COPZ1: variants seen among roughly 807,000 people sequenced by gnomAD.
COPZ1 encodes the protein coatomer subunit zeta-1.
COPZ1 carries 4 observed loss-of-function variants against 31.7 expected under a neutral mutation model. That is an observed-to-expected ratio of 0.13 (90% CI 0.06 to 0.29). The LOEUF is 0.29. COPZ1 is among the 10% of genes least tolerant of loss of function. The pLI is 1.00. For missense variants in COPZ1, 156 were observed against 211.5 expected (o/e 0.74, Z 1.63); for synonymous variants, 74 against 79.0 (o/e 0.94, Z 0.33).
chr12:54,345,145 G>T, intron 4 of COPZ1: 2 of 243,692 alleles, frequency 8.2e-6, no homozygotes, highest in East Asian at 9.1e-5. Context: ...GCTATTGCTT[G>T]GTTAGTAATT....
intron 2 of COPZ1, among the ~76,000 whole-genome samples, 162 bp downstream of exon 2, chr12:54,340,777 G>A (rs1272455237): frequency 6.6e-6 from 1 of 151,816 alleles, no homozygotes; most frequent in African/African-American, 2.4e-5. Flanking sequence ...TATCACCCAG[G>A]CTGGAGTGCA....
rs533979160 is a variant in COPZ1 at position 54,341,435 on chromosome 12, C to T, written c.88-771C>T. Among the ~76,000 whole-genome samples the T allele has an allele frequency of 7.9e-5, 12 of 152,282 alleles. No homozygotes were observed. The South Asian group carries it at 1.7e-3, about 21-fold the overall frequency. The stretch of plus-strand genomic sequence containing the variant: ...TCTTCTGTCCCTGGTGTATTAACTC[C>T]GGGCGAGCGTAGCATAAATCAATCA... On this transcript the variant is annotated intron_variant, in intron 2 of 8. Coordinates refer to ENST00000262061, the MANE Select transcript of COPZ1 (RefSeq NM_016057.3).
intron 1 of COPZ1, among the ~76,000 whole-genome samples, chr12:54,329,599 T>C (rs1726207778): frequency 6.6e-6 from 1 of 152,102 alleles, no homozygotes; most frequent in Non-Finnish European, 1.5e-5. Flanking sequence ...CAAAACTGAA[T>C]TCTGTATCGG....
intron 1 of COPZ1, among the ~76,000 whole-genome samples, chr12:54,336,503 C>T (rs1428330902): frequency 6.6e-6 from 1 of 151,854 alleles, no homozygotes; most frequent in Non-Finnish European, 1.5e-5. Context: ...TGCCACTGCA[C>T]TCCAGCCTGG....
At chr12:54,350,222 C>T (rs1293762321) in intron 8 of COPZ1, 5 of 543,022 alleles carry the variant, frequency 9.2e-6, no homozygotes, top group Admixed American at 5.0e-5. Context: ...CAGTAACTCC[C>T]TTTTTTTTTT....
intron 1 of COPZ1, among the ~76,000 whole-genome samples, chr12:54,330,485 C>T (rs1243393057): frequency 6.6e-6 from 1 of 152,144 alleles, no homozygotes; most frequent in Non-Finnish European, 1.5e-5. Context: ...CCCTCTTCTT[C>T]ACAGTGGTGG....
intron 1 of COPZ1, among the ~76,000 whole-genome samples, chr12:54,338,771 A>G (rs894367612): frequency 3.9e-5 from 6 of 152,256 alleles, no homozygotes; most frequent in African/African-American, 1.4e-4. Flanking sequence ...CAAAAATTGC[A>G]GTCCTCAAGA....
intron 7 of COPZ1, among the ~76,000 whole-genome samples, chr12:54,349,142 C>T (rs556057097): frequency 6.6e-6 from 1 of 152,298 alleles, no homozygotes; most frequent in African/African-American, 2.4e-5. Context: ...CCATCAACTC[C>T]CCGCTTTGTC....
chr12:54,332,949 C>G (rs1335731212), intron 1 of COPZ1, among the ~76,000 whole-genome samples: 1 of 152,078 alleles, frequency 6.6e-6, no homozygotes, highest in African/African-American at 2.4e-5. Flanking sequence ...TTCCTGCCCC[C>G]TCCACACCAT....
chr12:54,340,464 C>T lies in COPZ1; in HGVS notation c.19-83C>T, dbSNP rs759026644. On this transcript the variant is annotated intron_variant, in intron 1 of 8. Transcript: ENST00000262061. ...AGGTACCTCTGTATCCCCTTGCAGC[C>T]CCAGTGGGACTAGGGGAAGGTATCT... 5 of 1,585,900 alleles carry T rather than the reference C, an allele frequency of 3.2e-6. No homozygotes were observed. In the Admixed American group the frequency reaches 7.5e-5, roughly 24 times the overall value.
intron 1 of COPZ1, among the ~76,000 whole-genome samples, chr12:54,326,883 G>C (rs557803786): frequency 6.8e-6 from 1 of 147,604 alleles, no homozygotes; most frequent in Admixed American, 6.8e-5. Flanking sequence ...TCCTTATGTC[G>C]GTTGGTCAAA....
chr12:54,347,458 G>A (rs1248877800), intron 5 of COPZ1, among the ~76,000 whole-genome samples: 1 of 152,200 alleles, frequency 6.6e-6, no homozygotes, highest in Non-Finnish European at 1.5e-5. Context: ...ACTGATGTCA[G>A]TGTTTATGAG....
chr12:54,340,377 C>T lies in COPZ1; in HGVS notation c.19-170C>T, dbSNP rs996150491. ...TTTCTCTGTCAATTCAGTTTACTTA[C>T]CCTGGGTCTTTCTCAATGGGAAATA... On this transcript the variant is annotated intron_variant, in intron 1 of 8. Coordinates refer to ENST00000262061, the MANE Select transcript of COPZ1 (RefSeq NM_016057.3). 2.0e-5 allele frequency: 21 copies of T among 1,074,478 alleles called. No individual in the cohort carries two copies. The East Asian group carries it at 2.8e-4, about 14-fold the overall frequency. The allele number at this position is 1,074,478 out of a possible 1,614,324, so 66.6% of individuals were successfully genotyped here. A position where few individuals can be genotyped will look rare whatever the true frequency, so the allele number is the denominator to read the frequency against.
Position 54,346,693 on chromosome 12 carries a change from A to C in COPZ1, c.318-1074A>C. 4.3e-6 allele frequency: 3 copies of C among 700,756 alleles called. No individual in the cohort carries two copies. In the East Asian group the frequency reaches 8.1e-5, roughly 19 times the overall value. The allele number at this position is 700,756 out of a possible 1,614,324, so 43.4% of individuals were successfully genotyped here. A position where few individuals can be genotyped will look rare whatever the true frequency, so the allele number is the denominator to read the frequency against. Reference sequence around the variant, plus strand: ...CAACACAGTGAGACCCTGTCTCTGCAAAAAATAAAAAAATTAGCCAGGTGT... The same window carrying C: ...CAACACAGTGAGACCCTGTCTCTGCCAAAAATAAAAAAATTAGCCAGGTGT... On this transcript the variant is annotated intron_variant, in intron 5 of 8. Transcript: ENST00000262061.
rs1954151913 is a variant in COPZ1, at chr12:54,351,727, G to A, written c.*1204G>A. ...TAACTGCCAGTTCTCCAGCACTGAG[G>A]TGGGGCAGATAACGGGGCATATTTA... On this transcript the variant is annotated 3_prime_UTR_variant, in exon 9 of 9. Transcript: ENST00000262061. The A allele has an allele frequency of 1.3e-5, 2 of 152,200 alleles. No individual in the cohort carries two copies. The highest frequency in any genetic ancestry group is 2.9e-5 in the Non-Finnish European group (2 of 68,046). 9.4% of individuals were successfully genotyped at this position (152,200 alleles called of 1,614,324 possible). A position where few individuals can be genotyped will look rare whatever the true frequency, so the allele number is the denominator to read the frequency against.
At chr12:54,332,535 G>A (rs1212190128) in intron 1 of COPZ1, among the ~76,000 whole-genome samples, 1 of 152,000 alleles carries the variant, frequency 6.6e-6, no homozygotes, top group Non-Finnish European at 1.5e-5. Context: ...TCAGGAGTTC[G>A]AGACCAGCCT....
intron 1 of COPZ1, among the ~76,000 whole-genome samples, chr12:54,340,170 T>C (rs17111028): frequency 0.018 from 2,783 of 152,272 alleles, 97 homozygotes; most frequent in African/African-American, 0.064. Context: ...CAGTGCCTTT[T>C]AATTAATCTG....
chr12:54,350,442 C>G (rs1419845020), intron 8 of COPZ1, 34 bp from the exon 9 acceptor site: 3 of 1,603,734 alleles, frequency 1.9e-6, no homozygotes, highest in Non-Finnish European at 2.6e-6. Flanking sequence ...GCCCTGTCAG[C>G]AAGCTTTCCT....
At chr12:54,346,744 T>C (rs535944694) in intron 5 of COPZ1, 11 of 680,070 alleles carry the variant, frequency 1.6e-5, no homozygotes, top group Middle Eastern at 2.4e-4. Context: ...TAGTCTCAGC[T>C]ACTTGGGAGG....
Sources: allele counts gnomAD v4.1 joint callset (sites outside exome capture counted in the v4.1 genomes callset), GRCh38; gene constraint gnomAD v4.1.1; transcripts MANE v1.5; gene names NCBI Gene and HGNC (gene_info 2026-07-23, HGNC 2026-07-21).